DCC: variants seen among roughly 807,000 people sequenced by gnomAD.
DCC encodes netrin receptor DCC.
Under a neutral mutation model 172.5 loss-of-function variants are expected in DCC, and 58 were observed. That is an observed-to-expected ratio of 0.34 (90% CI 0.27 to 0.42). The LOEUF (loss-of-function observed/expected upper bound fraction) is 0.42. Among genes scored for constraint, DCC ranks in the 10% least tolerant of loss-of-function variants. DCC has a pLI of 1.00. For missense variants in DCC, 1,740 were observed against 1,791.0 expected (o/e 0.97, Z 0.51); for synonymous variants, 709 against 644.5 (o/e 1.10, Z -1.52).
Position 53,402,790 on chromosome 18 carries a change from C to A in DCC, c.2832C>A (p.Pro944=). The A allele has an allele frequency of 6.2e-7, 1 of 1,612,906 alleles. No individual in the cohort carries two copies. The highest frequency in any genetic ancestry group is 8.5e-7 in the Non-Finnish European group (1 of 1,178,896). ...TATCTCTGTCTCACCTCACAGCCCC[C>A]ACCTCTGCTCCCAAGGACTTGACAG... ...TAHATTYEAA[P]TSAPKDLTVI... is the part of the protein sequence containing the mutation. Residue 944 remains proline, a synonymous_variant, in exon 19 of 29, where the codon CCC becomes CCA. Coordinates refer to ENST00000442544, the MANE Select transcript of DCC (RefSeq NM_005215.4).
At chr18:52,635,787 C>T (rs1375057639) in intron 1 of DCC, among the ~76,000 whole-genome samples, 1 of 151,290 alleles carries the variant, frequency 6.6e-6, no homozygotes, top group African/African-American at 2.4e-5. Flanking sequence ...TTTCATGTTT[C>T]ATGCACTAAT....
chr18:53,021,494 C>T (rs72932061), intron 5 of DCC, among the ~76,000 whole-genome samples: 3,203 of 152,210 alleles, frequency 0.021, 60 homozygotes, highest in Admixed American at 0.038. Context: ...TACCATACCT[C>T]TTCTAGCATC....
intron 1 of DCC, among the ~76,000 whole-genome samples, chr18:52,470,964 T>C (rs1250511566): frequency 6.6e-6 from 1 of 152,200 alleles, no homozygotes; most frequent in Non-Finnish European, 1.5e-5. Flanking sequence ...CCACTAATGC[T>C]GACCTCGAAG....
intron 12 of DCC, among the ~76,000 whole-genome samples, chr18:53,255,245 A>C (rs1386100891): frequency 6.6e-6 from 1 of 151,494 alleles, no homozygotes; most frequent in Non-Finnish European, 1.5e-5. Context: ...TTTAAGTTTT[A>C]GGGTACATGT....
chr18:52,685,379 GT>G (rs2035814601), intron 1 of DCC, among the ~76,000 whole-genome samples: 1 of 152,142 alleles, frequency 6.6e-6, no homozygotes, highest in South Asian at 2.1e-4. Flanking sequence ...GTTGCAGTGG[GT>G]GGAATGACAG....
intron 1 of DCC, among the ~76,000 whole-genome samples, chr18:52,697,688 A>G (rs2036036740): frequency 6.6e-6 from 1 of 151,504 alleles, no homozygotes. Context: ...GTTTGCAAAT[A>G]TGTATAGACA....
chr18:52,793,984 T>C (rs547924826), intron 2 of DCC, among the ~76,000 whole-genome samples: 91 of 152,158 alleles, frequency 6.0e-4, no homozygotes, highest in Non-Finnish European at 1.1e-3. Context: ...TATTAATCTA[T>C]ATTTCTGGGT....
In DCC at chr18:53,066,353, G is replaced by GTGTATA. The variant is rs1555704364; in HGVS notation, c.1261+188_1261+189insGTATAT. On this transcript the variant is annotated intron_variant, in intron 7 of 28. Transcript: ENST00000442544. Reference sequence around the variant, plus strand: ...TAGAAAATTGTGTGTGTACATGTGTGTATATATATATATATATATATATAT... The same window carrying GTGTATA: ...TAGAAAATTGTGTGTGTACATGTGTGTGTATATATATATATATATATATATATATAT... Among the ~76,000 whole-genome samples the GTGTATA allele has an allele frequency of 5.3e-5, 5 of 94,618 alleles. No individual in the cohort carries two copies. In the East Asian group the frequency reaches 1.1e-3, roughly 21 times the overall value. 62.1% of individuals were successfully genotyped at this position (94,618 alleles called of 152,430 possible).
intron 2 of DCC, among the ~76,000 whole-genome samples, chr18:52,838,821 A>T (rs1055684834): frequency 6.6e-6 from 1 of 152,224 alleles, no homozygotes; most frequent in African/African-American, 2.4e-5. Context: ...GGAAACACGA[A>T]CTAAAATAGT....
At chr18:53,529,347 G>C (rs751106561) in intron 28 of DCC, among the ~76,000 whole-genome samples, 5 of 152,110 alleles carry the variant, frequency 3.3e-5, no homozygotes, top group Non-Finnish European at 5.9e-5. Context: ...ATACATCTCT[G>C]ATCATAGTGC....
At chr18:52,612,817 T>C (rs1291960812) in intron 1 of DCC, among the ~76,000 whole-genome samples, 3 of 152,262 alleles carry the variant, frequency 2.0e-5, no homozygotes, top group African/African-American at 7.2e-5. Context: ...TTTTGCCTTA[T>C]GTAATCTCTT....
chr18:52,851,381 A>G (rs1211252096), intron 2 of DCC, among the ~76,000 whole-genome samples: 1 of 152,102 alleles, frequency 6.6e-6, no homozygotes. Flanking sequence ...AGACAATAGA[A>G]TTCCCAAACA....
intron 12 of DCC, among the ~76,000 whole-genome samples, chr18:53,232,838 A>G (rs1470397014): frequency 1.3e-5 from 2 of 152,084 alleles, no homozygotes; most frequent in South Asian, 2.1e-4. Context: ...ACCATCCTAT[A>G]TGACAGCCCC....
intron 1 of DCC, among the ~76,000 whole-genome samples, chr18:52,415,078 C>T (rs1323858031): frequency 4.6e-5 from 7 of 152,172 alleles, no homozygotes; most frequent in Non-Finnish European, 1.0e-4. Context: ...ATGACTTTGC[C>T]AGAATGGCTG....
At chr18:52,609,766 G>A (rs1040980758) in intron 1 of DCC, among the ~76,000 whole-genome samples, 1 of 151,700 alleles carries the variant, frequency 6.6e-6, no homozygotes, top group African/African-American at 2.4e-5. Flanking sequence ...CTGAATTTTG[G>A]TTTGGAAATT....
intron 7 of DCC, among the ~76,000 whole-genome samples, chr18:53,085,817 C>T (rs570515435): frequency 6.6e-6 from 1 of 151,424 alleles, no homozygotes; most frequent in East Asian, 1.9e-4. Context: ...CAAAATGATC[C>T]TCCTTCAAAA....
intron 5 of DCC, among the ~76,000 whole-genome samples, chr18:53,054,220 TA>T (rs1428944324): frequency 1.3e-5 from 2 of 152,102 alleles, no homozygotes; most frequent in Non-Finnish European, 2.9e-5. Context: ...GTTGTATTGT[TA>T]TTTTTTTATC....
chr18:53,376,824 A>T (rs1907323718), intron 15 of DCC, among the ~76,000 whole-genome samples: 1 of 152,172 alleles, frequency 6.6e-6, no homozygotes, highest in Non-Finnish European at 1.5e-5. Context: ...TTATCTCATT[A>T]TCAAACTCAA....
intron 27 of DCC, among the ~76,000 whole-genome samples, chr18:53,507,611 T>TATC (rs1443287865): frequency 6.6e-6 from 1 of 152,198 alleles, no homozygotes; most frequent in Non-Finnish European, 1.5e-5. Flanking sequence ...AGAATGCCTT[T>TATC]ATCTTCTGTG....
Sources: allele counts gnomAD v4.1 joint callset (sites outside exome capture counted in the v4.1 genomes callset), GRCh38; gene constraint gnomAD v4.1.1; transcripts MANE v1.5; gene names NCBI Gene and HGNC (gene_info 2026-07-23, HGNC 2026-07-21).